The following IQCH variants were observed in gnomAD, a reference collection of about 807,000 sequenced individuals.
IQCH encodes the protein IQ domain-containing protein H.
A neutral mutation model predicts 117.0 loss-of-function variants in IQCH; 98 were observed. The observed-to-expected ratio is 0.84, with a 90% CI of 0.71 to 0.99. The LOEUF (loss-of-function observed/expected upper bound fraction) is 0.99, where lower values mean the gene tolerates loss of function less well. Among genes scored for constraint, IQCH ranks in the 50% least tolerant of loss-of-function variants. The pLI is 0.00. For missense variants in IQCH, 1,102 were observed against 1,243.8 expected (o/e 0.89, Z 1.72); for synonymous variants, 412 against 448.2 (o/e 0.92, Z 1.02).
chr15:67,287,545 A>T (rs1220984154), intron 4 of IQCH, among the ~76,000 whole-genome samples: 1 of 152,040 alleles, frequency 6.6e-6, no homozygotes, highest in East Asian at 1.9e-4. Context: ...AGATTTTCCA[A>T]TTTATTGGCA....
chr15:67,372,130 C>T lies in IQCH; in HGVS notation c.773C>T (p.Pro258Leu), dbSNP rs1282228945. The T allele has an allele frequency of 1.2e-6, 2 of 1,607,596 alleles. No homozygotes were observed. The highest frequency in any genetic ancestry group is 2.2e-5 in the East Asian group (1 of 44,802). Residue 258 changes from proline (P) to leucine (L), a missense_variant, in exon 9 of 21, where the codon CCT becomes CTT. By Grantham distance (98) the Pro-to-Leu change is moderately conservative. This residue lies in a region of IQCH where 452 missense variants were observed against 449.6 expected (regional missense o/e 1.01). Transcript: ENST00000335894. The stretch of plus-strand genomic sequence containing the variant: ...CCACAGGCCATGAAAGTCAAAACAC[C>T]TTTGAGAGCCCTGAAATCACTGTGG... ...HDRKAMKVKTPLRALKSLWDY... is the reference protein window; with the variant it reads ...HDRKAMKVKTLLRALKSLWDY...
chr15:67,361,780 G>A (rs891973885), intron 8 of IQCH, among the ~76,000 whole-genome samples: 2 of 152,114 alleles, frequency 1.3e-5, no homozygotes, highest in Non-Finnish European at 2.9e-5. Flanking sequence ...AGGATCCGAA[G>A]AATAAAAAAT....
intron 16 of IQCH, among the ~76,000 whole-genome samples, chr15:67,462,000 A>G: frequency 6.6e-6 from 1 of 152,010 alleles, no homozygotes; most frequent in Non-Finnish European, 1.5e-5. Flanking sequence ...TTATTTCCCT[A>G]TTTTTATTAA....
rs1396987127 is a variant in IQCH, at chr15:67,395,349, TA to T, written c.1697del (p.Asn566IlefsTer20). 5.6e-6 allele frequency: 9 copies of T among 1,613,954 alleles called. No homozygotes were observed. In the East Asian group the frequency reaches 1.6e-4, roughly 28 times the overall value. On this transcript the variant is annotated frameshift_variant, in exon 13 of 21. Coordinates refer to ENST00000335894, the MANE Select transcript of IQCH (RefSeq NM_001031715.3). LOFTEE classifies it high-confidence loss of function. The surrounding 1 kb of genome is among the most constrained non-coding windows in gnomAD (Gnocchi z 4.0). The stretch of plus-strand genomic sequence containing the variant: ...TACAGTCCCAAGGCAATCAAAAGAA[TA>T]AAAAATCTCATCCGAGGAACAGAGG... ...LMYSPKAIKR[I>X]KNLIRGTEAY...
Position 67,482,379 on chromosome 15 carries a change from G to A in IQCH, c.2799+6561G>A, listed in dbSNP as rs572372093. 2.0e-5 allele frequency among the ~76,000 whole-genome samples: 3 copies of A among 152,292 alleles called. No individual in the cohort carries two copies. The South Asian group carries it at 6.2e-4, about 32-fold the overall frequency. ...TGTTCCACCAGTTTTTGAATAGTGA[G>A]GACTGAATAGATAATTTTGTTTTTT... On this transcript the variant is annotated intron_variant, in intron 18 of 20. Transcript: ENST00000335894.
intron 18 of IQCH, among the ~76,000 whole-genome samples, chr15:67,482,352 C>T (rs1004972764): frequency 1.3e-5 from 2 of 152,188 alleles, no homozygotes; most frequent in Non-Finnish European, 2.9e-5. Context: ...GTTACCCAGT[C>T]CTGTTCCACC....
intron 7 of IQCH, among the ~76,000 whole-genome samples, chr15:67,358,515 A>AT (rs1201544681): frequency 1.3e-5 from 2 of 152,052 alleles, no homozygotes; most frequent in African/African-American, 4.8e-5. Context: ...ATTCTTTAAC[A>AT]TTAACTCCTC....
intron 4 of IQCH, among the ~76,000 whole-genome samples, chr15:67,331,842 A>G (rs1054913070): frequency 5.9e-5 from 9 of 152,284 alleles, no homozygotes; most frequent in African/African-American, 2.2e-4. Context: ...CTTAGGAAGG[A>G]TGATGATAGT....
Position 67,491,248 on chromosome 15 carries a change from A to G in IQCH, c.2861+1184A>G, listed in dbSNP as rs1400540284. ...GGTCAGTCTCCCGGAAACTGATCCA[A>G]AGAGGTGCACACTACAAGCAAATGG... On this transcript the variant is annotated intron_variant, in intron 19 of 20. Transcript: ENST00000335894. This position sits in a 1 kb window ranked among gnomAD's most constrained non-coding sequence, Gnocchi z 4.9. 6.6e-6 allele frequency among the ~76,000 whole-genome samples: 1 copy of G among 152,140 alleles called. No homozygotes were observed. The highest frequency in any genetic ancestry group is 1.9e-4 in the East Asian group (1 of 5,182).
intron 4 of IQCH, among the ~76,000 whole-genome samples, chr15:67,316,478 C>T (rs1967851373): frequency 1.3e-5 from 2 of 152,182 alleles, no homozygotes; most frequent in Admixed American, 1.3e-4. Flanking sequence ...CTATCACCAA[C>T]TTTCTACCAT....
At chr15:67,297,962 T>A (rs1004347868) in intron 4 of IQCH, among the ~76,000 whole-genome samples, 6 of 152,032 alleles carry the variant, frequency 3.9e-5, no homozygotes, top group Non-Finnish European at 5.9e-5. Flanking sequence ...CCAGAATATA[T>A]TAGGAGCTCA....
At chr15:67,329,655 G>T (rs936045480) in intron 4 of IQCH, among the ~76,000 whole-genome samples, 2 of 151,900 alleles carry the variant, frequency 1.3e-5, no homozygotes, top group African/African-American at 4.8e-5. Context: ...TTTTTGTGGA[G>T]CCTGGATCTC....
intron 2 of IQCH, 77 bp downstream of exon 2, chr15:67,261,471 A>G: frequency 8.1e-7 from 1 of 1,240,272 alleles, no homozygotes; most frequent in Non-Finnish European, 1.1e-6. Context: ...CAGTTCTCAT[A>G]GAGTCCTGCA....
intron 16 of IQCH, among the ~76,000 whole-genome samples, chr15:67,442,893 A>G (rs2082312947): frequency 6.7e-6 from 1 of 150,214 alleles, no homozygotes; most frequent in South Asian, 2.1e-4. Context: ...TAAAATACAT[A>G]TAGATATACA....
rs906894644 is a variant in IQCH at position 67,430,867 on chromosome 15, G to T, written c.2505+9290G>T. Among the ~76,000 whole-genome samples the T allele has an allele frequency of 6.6e-6, 1 of 152,178 alleles. No individual in the cohort carries two copies. Among genetic ancestry groups the T allele is most frequent in the Admixed American group, 6.5e-5 (1 of 15,278 alleles). On this transcript the variant is annotated intron_variant, in intron 16 of 20. Coordinates refer to ENST00000335894, the MANE Select transcript of IQCH (RefSeq NM_001031715.3). The surrounding 1 kb of genome is among the most constrained non-coding windows in gnomAD (Gnocchi z 5.1). ...GGAAGATAGGCTTGAAAAATGAGTA[G>T]CAAGGAAAGGCTTAAGTGACAACTA...
chr15:67,361,594 G>A (rs1349788068), intron 8 of IQCH, among the ~76,000 whole-genome samples: 1 of 152,102 alleles, frequency 6.6e-6, no homozygotes, highest in Non-Finnish European at 1.5e-5. Flanking sequence ...CATGTATACA[G>A]GTAATCAGTT....
chr15:67,469,428 G>T (rs938248119), intron 17 of IQCH, among the ~76,000 whole-genome samples: 1 of 152,178 alleles, frequency 6.6e-6, no homozygotes, highest in Non-Finnish European at 1.5e-5. Flanking sequence ...CCTGTACGGG[G>T]ACACAGGAAG....
chr15:67,305,090 G>A (rs1354146228), intron 4 of IQCH, among the ~76,000 whole-genome samples: 1 of 151,956 alleles, frequency 6.6e-6, no homozygotes, highest in Non-Finnish European at 1.5e-5. Flanking sequence ...CATTTTAGCT[G>A]GGAAATTATT....
chr15:67,327,869 G>T (rs1274139774), intron 4 of IQCH, among the ~76,000 whole-genome samples: 1 of 152,058 alleles, frequency 6.6e-6, no homozygotes, highest in African/African-American at 2.4e-5. Flanking sequence ...TGTCCTTCTT[G>T]CAATTTCCTC....
Sources: allele counts gnomAD v4.1 joint callset (sites outside exome capture counted in the v4.1 genomes callset), GRCh38; gene constraint gnomAD v4.1.1; regional missense constraint gnomAD v4.1.1; non-coding constraint Gnocchi (gnomAD v3.1); transcripts MANE v1.5; gene names NCBI Gene and HGNC (gene_info 2026-07-23, HGNC 2026-07-21).